Variants in LRP12 observed in about 807,000 individuals in gnomAD.
LRP12 encodes LDL receptor related protein 12.
LRP12 carries 14 observed loss-of-function variants against 66.0 expected under a neutral mutation model. The observed-to-expected ratio is 0.21, with a 90% CI of 0.14 to 0.33. LRP12 has a LOEUF of 0.33. LRP12 is among the 10% of genes least tolerant of loss of function. The pLI is 1.00. For missense variants in LRP12, 889 were observed against 1,053.4 expected (o/e 0.84, Z 2.16); for synonymous variants, 357 against 359.1 (o/e 0.99, Z 0.07).
rs889125367 is a variant in LRP12, at chr8:104,548,608, A to G, written c.80-16645T>C. Among the ~76,000 whole-genome samples the G allele has an allele frequency of 2.7e-5, 3 of 110,790 alleles. No individual in the cohort carries two copies. The East Asian group carries it at 6.6e-4, about 24-fold the overall frequency. The allele number at this position is 110,790 out of a possible 152,430, so 72.7% of individuals were successfully genotyped here. On this transcript the variant is annotated intron_variant, in intron 1 of 6. Coordinates refer to ENST00000276654, the MANE Select transcript of LRP12 (RefSeq NM_013437.5). ...TTTTGTATATAATATAGAATTATATAATTAAATTAATTATATAATTATTAT... is the reference window on the plus strand; with the variant it reads ...TTTTGTATATAATATAGAATTATATGATTAAATTAATTATATAATTATTAT...
At chr8:104,559,714 T>G (rs560739289) in intron 1 of LRP12, among the ~76,000 whole-genome samples, 1 of 152,184 alleles carries the variant, frequency 6.6e-6, no homozygotes, top group South Asian at 2.1e-4. Context: ...CTATTTAGTA[T>G]CCTCTTTATG....
chr8:104,530,526 C>T (rs974117253), intron 2 of LRP12, among the ~76,000 whole-genome samples: 1 of 152,138 alleles, frequency 6.6e-6, no homozygotes, highest in Non-Finnish European at 1.5e-5. Context: ...AGGGACCAAC[C>T]CTGCCAGCAC....
chr8:104,542,994 A>AATATATATATATATAT (rs149279085), intron 1 of LRP12, among the ~76,000 whole-genome samples: 1 of 144,116 alleles, frequency 6.9e-6, no homozygotes, highest in African/African-American at 2.6e-5. Flanking sequence ...AACACACACA[A>AATATATATATATATAT]ATATATATAT....
intron 1 of LRP12, among the ~76,000 whole-genome samples, chr8:104,540,732 C>T (rs191624239): frequency 1.3e-5 from 2 of 151,950 alleles, no homozygotes; most frequent in East Asian, 1.9e-4. Flanking sequence ...TTTTAAACCC[C>T]ATTCTTTTGT....
intron 1 of LRP12, among the ~76,000 whole-genome samples, chr8:104,558,217 CAAACAAAAA>C (rs1459673563): frequency 1.3e-5 from 2 of 149,450 alleles, no homozygotes; most frequent in African/African-American, 2.5e-5. Flanking sequence ...CAAAAACAAA[CAAACAAAAA>C]AAAACAGAAA....
At chr8:104,554,356 A>T (rs1222141228) in intron 1 of LRP12, among the ~76,000 whole-genome samples, 1 of 152,192 alleles carries the variant, frequency 6.6e-6, no homozygotes, top group Non-Finnish European at 1.5e-5. Context: ...GTGAATACCA[A>T]CTTTAAGATT....
intron 3 of LRP12, chr8:104,508,616 GTTTA>G (rs1376593952): frequency 1.6e-5 from 3 of 192,182 alleles, no homozygotes; most frequent in East Asian, 1.2e-4. Flanking sequence ...AATGAGTTTT[GTTTA>G]TTTGTTTGTT....
At chr8:104,549,739 C>A (rs2140879528) in intron 1 of LRP12, among the ~76,000 whole-genome samples, 1 of 152,234 alleles carries the variant, frequency 6.6e-6, no homozygotes, top group Middle Eastern at 3.4e-3. Flanking sequence ...CATATAACTA[C>A]AAAGAACAGT....
intron 4 of LRP12, 123 bp from the exon 5 acceptor site, chr8:104,498,199 T>G (rs1409847132): frequency 3.0e-6 from 3 of 986,140 alleles, no homozygotes; most frequent in South Asian, 3.7e-5. Context: ...GCTAGAAGTT[T>G]TAAAAAACAG....
At position 104,490,163 on chromosome 8, in the gene LRP12, G is replaced by C. The variant is rs1193332791; in HGVS notation, c.*510C>G. On this transcript the variant is annotated 3_prime_UTR_variant, in exon 7 of 7. Coordinates refer to ENST00000276654, the MANE Select transcript of LRP12 (RefSeq NM_013437.5). ...TTGTTTCCCACTGACAAGTTCATAT[G>C]ATAATGAAATCCAATAATAGACAAA... 2 of 152,162 alleles carry C rather than the reference G, an allele frequency of 1.3e-5. No individual in the cohort carries two copies. Among genetic ancestry groups the C allele is most frequent in the Non-Finnish European group, 2.9e-5 (2 of 68,052 alleles). 9.4% of individuals were successfully genotyped at this position (152,162 alleles called of 1,614,324 possible).
intron 6 of LRP12, 50 bp from the exon 7 acceptor site, chr8:104,491,589 A>AC (rs1554705773): frequency 9.6e-7 from 1 of 1,037,884 alleles, no homozygotes; most frequent in Non-Finnish European, 1.3e-6. Flanking sequence ...AGGTACTAAG[A>AC]TAAAAAAAAA....
intron 1 of LRP12, among the ~76,000 whole-genome samples, chr8:104,538,380 A>G (rs1811418970): frequency 6.6e-6 from 1 of 152,118 alleles, no homozygotes; most frequent in South Asian, 2.1e-4. Flanking sequence ...TTAAAAAACA[A>G]AAACAAACAC....
intron 3 of LRP12, chr8:104,505,527 T>A (rs1457048474): frequency 1.3e-5 from 2 of 150,230 alleles, no homozygotes; most frequent in African/African-American, 4.9e-5. Flanking sequence ...CTCAGCCTCC[T>A]GAGTAGCTAG....
chr8:104,585,924 T>A (rs898692934), intron 1 of LRP12, among the ~76,000 whole-genome samples: 3 of 152,222 alleles, frequency 2.0e-5, no homozygotes, highest in Non-Finnish European at 4.4e-5. Context: ...CCCATAGATT[T>A]GTAAAAGCGA....
chr8:104,567,411 G>A (rs913431361), intron 1 of LRP12, among the ~76,000 whole-genome samples: 1 of 152,082 alleles, frequency 6.6e-6, no homozygotes, highest in African/African-American at 2.4e-5. Flanking sequence ...AATAGCACGG[G>A]AAAGACTGGC....
At chr8:104,548,163 T>TA (rs1317711387) in intron 1 of LRP12, among the ~76,000 whole-genome samples, 2,330 of 59,014 alleles carry the variant, frequency 0.039, 149 homozygotes, top group African/African-American at 0.16. Context: ...TTAATAATTA[T>TA]TATATATAAT....
At position 104,497,504 on chromosome 8, in the gene LRP12, T is replaced by A; in HGVS notation, c.1048A>T (p.Ile350Leu). The change falls in exon 5 of 7, where the codon ATA becomes TTA. Residue 350 changes from isoleucine to leucine, a missense_variant. Coordinates refer to ENST00000276654, the MANE Select transcript of LRP12 (RefSeq NM_013437.5). This position sits in a 1 kb window ranked among gnomAD's most constrained non-coding sequence, Gnocchi z 4.3. ...PLTVVSSSGQIRVHFCADKVN... is the reference protein window; with the variant it reads ...PLTVVSSSGQLRVHFCADKVN... ...TTATCAGCACAAAAATGTACCCTTA[T>A]CTGTCCAGAAGAAGAAACAACTGTA... is the stretch of plus-strand genomic sequence containing the variant. 1.2e-6 allele frequency: 2 copies of A among 1,614,132 alleles called. No individual in the cohort carries two copies. The highest frequency in any genetic ancestry group is 8.5e-7 in the Non-Finnish European group (1 of 1,180,004).
chr8:104,529,634 C>T (rs1254005853), intron 2 of LRP12, among the ~76,000 whole-genome samples: 1 of 152,166 alleles, frequency 6.6e-6, no homozygotes, highest in Non-Finnish European at 1.5e-5. Flanking sequence ...CATAAGTTCT[C>T]ATACTCTGTA....
In LRP12 at chr8:104,489,585, G is replaced by A. The variant is rs13279448; in HGVS notation, c.*1088C>T. ...TGAGAGTGTAGCATGATCCCCCCCA[G>A]GAATAAAATATATTGAAAAAATCAC... On this transcript the variant is annotated 3_prime_UTR_variant, in exon 7 of 7. Coordinates refer to ENST00000276654, the MANE Select transcript of LRP12 (RefSeq NM_013437.5). The A allele has an allele frequency of 0.069, 10,500 of 151,948 alleles. 414 individuals carry two copies. Among genetic ancestry groups the A allele is most frequent in the South Asian group, 0.08 (386 of 4,806 alleles). 9.4% of individuals were successfully genotyped at this position (151,948 alleles called of 1,614,324 possible). A position where few individuals can be genotyped will look rare whatever the true frequency, so the allele number is the denominator to read the frequency against.
Sources: allele counts gnomAD v4.1 joint callset (sites outside exome capture counted in the v4.1 genomes callset), GRCh38; gene constraint gnomAD v4.1.1; non-coding constraint Gnocchi (gnomAD v3.1); transcripts MANE v1.5; gene names NCBI Gene and HGNC (gene_info 2026-07-23, HGNC 2026-07-21).